MYO1B: variants seen among roughly 807,000 people sequenced by gnomAD.
MYO1B encodes unconventional myosin-Ib.
Under a neutral mutation model 159.7 loss-of-function variants are expected in MYO1B, and 72 were observed. The observed-to-expected ratio is 0.45, with a 90% CI of 0.37 to 0.55. MYO1B has a LOEUF of 0.55. MYO1B is among the 20% of genes least tolerant of loss of function. MYO1B has a pLI of 0.00. For missense variants in MYO1B, 1,062 were observed against 1,364.8 expected, an observed-to-expected ratio of 0.78 and a Z score of 3.50; for synonymous variants, 468 against 473.8, an observed-to-expected ratio of 0.99 and a Z score of 0.16.
intron 3 of MYO1B, among the ~76,000 whole-genome samples, chr2:191,325,359 C>T (rs1690984613): frequency 6.6e-6 from 1 of 152,038 alleles, no homozygotes; most frequent in African/African-American, 2.4e-5. Context: ...AGGAATAATA[C>T]CATTTTGAGA....
rs557109581 is a variant in MYO1B, at chr2:191,424,340, A to G, written c.*380A>G. 3 of 182,174 alleles carry G rather than the reference A, an allele frequency of 1.6e-5. No homozygotes were observed. Among genetic ancestry groups the G allele is most frequent in the East Asian group, 2.9e-4 (2 of 6,976 alleles). The allele number at this position is 182,174 out of a possible 1,614,324, so 11.3% of individuals were successfully genotyped here. On this transcript the variant is annotated 3_prime_UTR_variant, in exon 31 of 31. Coordinates refer to ENST00000392318, the MANE Select transcript of MYO1B (RefSeq NM_001130158.3). ...CAGATATTTATTCCATGCCTACTCT[A>G]TGCTAGGCACTGTGCTAGATGGTAT...
At chr2:191,381,109 T>C in intron 13 of MYO1B, 1 of 334,422 alleles carries the variant, frequency 3.0e-6, no homozygotes, top group Non-Finnish European at 5.8e-6. Flanking sequence ...GAATGGGAGA[T>C]TCAGAACTTG....
At chr2:191,374,306 A>G (rs1160226681) in intron 13 of MYO1B, among the ~76,000 whole-genome samples, 1 of 152,246 alleles carries the variant, frequency 6.6e-6, no homozygotes, top group Non-Finnish European at 1.5e-5. Flanking sequence ...GTGAAAAGAA[A>G]CTGCTGGAGT....
intron 1 of MYO1B, among the ~76,000 whole-genome samples, chr2:191,273,482 A>G (rs528985262): frequency 6.6e-6 from 1 of 151,744 alleles, no homozygotes; most frequent in Admixed American, 6.6e-5. Flanking sequence ...CTTCCTACCA[A>G]CCCTCCTCAT....
intron 3 of MYO1B, among the ~76,000 whole-genome samples, chr2:191,297,336 G>A (rs1689044120): frequency 6.6e-6 from 1 of 152,176 alleles, no homozygotes; most frequent in African/African-American, 2.4e-5. Context: ...TCTTGCAGAC[G>A]GGAGTTGGTT....
At chr2:191,302,776 A>G (rs949897695) in intron 3 of MYO1B, among the ~76,000 whole-genome samples, 10 of 152,244 alleles carry the variant, frequency 6.6e-5, no homozygotes, top group Non-Finnish European at 1.5e-4. Context: ...TTACAAACTC[A>G]GCAACAAATG....
intron 2 of MYO1B, among the ~76,000 whole-genome samples, chr2:191,289,953 C>G (rs1332964377): frequency 6.6e-6 from 1 of 152,058 alleles, no homozygotes; most frequent in Non-Finnish European, 1.5e-5. Flanking sequence ...TCTGCCTTTG[C>G]GAAGGAATGT....
In MYO1B at chr2:191,385,949, G is replaced by A. The variant is rs754884513; in HGVS notation, c.1419G>A (p.Glu473=). The A allele has an allele frequency of 1.9e-6, 3 of 1,614,160 alleles. No individual in the cohort carries two copies. In the Admixed American group the frequency reaches 5.0e-5, roughly 27 times the overall value. ...ECLRPGTVTD[E]TFLEKLNQVC... is the part of the protein sequence containing the mutation. Reference sequence around the variant, plus strand: ...TCAGACCTGGCACAGTCACTGATGAGACCTTCTTAGAAAAGCTGAACCAAG... The same window carrying A: ...TCAGACCTGGCACAGTCACTGATGAAACCTTCTTAGAAAAGCTGAACCAAG... Residue 473 remains glutamate, a synonymous_variant, in exon 16 of 31, where the codon GAG becomes GAA. Coordinates refer to ENST00000392318, the MANE Select transcript of MYO1B (RefSeq NM_001130158.3).
intron 2 of MYO1B, among the ~76,000 whole-genome samples, chr2:191,291,320 T>C (rs1270513275): frequency 6.6e-6 from 1 of 152,208 alleles, no homozygotes; most frequent in Non-Finnish European, 1.5e-5. Flanking sequence ...AAGGTCGAGA[T>C]GGTTTTGACT....
At chr2:191,277,867 C>T (rs929748600) in intron 2 of MYO1B, among the ~76,000 whole-genome samples, 2 of 152,264 alleles carry the variant, frequency 1.3e-5, no homozygotes, top group East Asian at 3.9e-4. Context: ...TTAAAATGTG[C>T]ATCTGTGCAT....
chr2:191,388,065 C>T (rs1276144700), intron 17 of MYO1B: 1 of 153,450 alleles, frequency 6.5e-6, no homozygotes, highest in African/African-American at 2.4e-5. Flanking sequence ...AGGTGGATCA[C>T]CTCAGGTCAG....
At chr2:191,384,897 T>TA (rs1365733712) in intron 15 of MYO1B, among the ~76,000 whole-genome samples, 1 of 152,212 alleles carries the variant, frequency 6.6e-6, no homozygotes, top group Non-Finnish European at 1.5e-5. Context: ...CATTAAACAA[T>TA]AATGTTTGTT....
chr2:191,360,531 A>C, intron 7 of MYO1B, 100 bp from the exon 8 acceptor site: 28 of 662,474 alleles, frequency 4.2e-5, no homozygotes, highest in Non-Finnish European at 6.8e-5. Context: ...TCATTTTATT[A>C]CTGCAGAATA....
rs891360205 is a variant in MYO1B, at chr2:191,347,065, G to A, written c.498+783G>A. 6.6e-5 allele frequency among the ~76,000 whole-genome samples: 10 copies of A among 152,268 alleles called. No individual in the cohort carries two copies. The East Asian group carries it at 7.7e-4, about 12-fold the overall frequency. The stretch of plus-strand genomic sequence containing the variant: ...TAAAAGATCATTTGTTTAATGAACC[G>A]TCTTCTCACATACCTTACTGATTGC... On this transcript the variant is annotated intron_variant, in intron 6 of 30. Transcript: ENST00000392318.
intron 17 of MYO1B, among the ~76,000 whole-genome samples, chr2:191,389,309 A>G (rs562176201): frequency 1.3e-5 from 2 of 152,354 alleles, no homozygotes; most frequent in East Asian, 1.9e-4. Flanking sequence ...ATGTTTAAGT[A>G]TTAGTTAGGA....
intron 6 of MYO1B, among the ~76,000 whole-genome samples, chr2:191,349,662 C>T (rs1036392468): frequency 6.6e-6 from 1 of 152,194 alleles, no homozygotes; most frequent in Non-Finnish European, 1.5e-5. Flanking sequence ...CAGTGTGATT[C>T]TGACCTGTTC....
At chr2:191,408,007 C>CTA in intron 24 of MYO1B, 108 bp from the exon 25 acceptor site, 1 of 659,736 alleles carries the variant, frequency 1.5e-6, no homozygotes. Context: ...AGAAAGGACA[C>CTA]TTATAAACTG....
chr2:191,284,315 T>C (rs1574335664), intron 2 of MYO1B, among the ~76,000 whole-genome samples: 1 of 152,236 alleles, frequency 6.6e-6, no homozygotes, highest in Non-Finnish European at 1.5e-5. Context: ...AAAGAGAGGC[T>C]ATTTTGTTGT....
chr2:191,416,679 T>C (rs1194756748), intron 30 of MYO1B, among the ~76,000 whole-genome samples: 5 of 151,966 alleles, frequency 3.3e-5, no homozygotes, highest in Non-Finnish European at 7.4e-5. Context: ...CTGGGCGTGG[T>C]GGCGGGCGCA....
Sources: allele counts gnomAD v4.1 joint callset (sites outside exome capture counted in the v4.1 genomes callset), GRCh38; gene constraint gnomAD v4.1.1; transcripts MANE v1.5; gene names NCBI Gene and HGNC (gene_info 2026-07-23, HGNC 2026-07-21).